HACE1: variants seen among roughly 807,000 people sequenced by gnomAD.
The protein encoded by HACE1 is E3 ubiquitin-protein ligase HACE1.
HACE1 carries 73 observed loss-of-function variants against 118.4 expected under a neutral mutation model. The observed-to-expected ratio is 0.62, with a 90% confidence interval of 0.51 to 0.75. HACE1 has a LOEUF of 0.75. Among genes scored for constraint, HACE1 ranks in the 30% least tolerant of loss-of-function variants. The probability of loss-of-function intolerance (pLI) is 0.00; values close to 1 mark genes in which losing one functional copy is unlikely to be tolerated. For missense variants in HACE1, 749 were observed against 1,102.2 expected, an observed-to-expected ratio of 0.68 and a Z score of 4.54; for synonymous variants, 368 against 374.8, an observed-to-expected ratio of 0.98 and a Z score of 0.21.
intron 19 of HACE1, among the ~76,000 whole-genome samples, chr6:104,763,386 T>C (rs1216629918): frequency 6.6e-6 from 1 of 152,170 alleles, no homozygotes; most frequent in Admixed American, 6.5e-5. Context: ...AATATCTGTA[T>C]ATACAAAATG....
intron 6 of HACE1, among the ~76,000 whole-genome samples, chr6:104,832,381 T>TTTG (rs3035082): frequency 2.0e-3 from 297 of 150,960 alleles, no homozygotes; most frequent in Non-Finnish European, 2.7e-3. Flanking sequence ...TTTCCTGTTT[T>TTTG]TTGTTGTTGT....
intron 6 of HACE1, chr6:104,824,943 C>T (rs1281222225): frequency 2.7e-5 from 4 of 150,806 alleles, no homozygotes; most frequent in Admixed American, 6.6e-5. Flanking sequence ...ATTAGCCGGG[C>T]GTGGTGGCGG....
intron 5 of HACE1, among the ~76,000 whole-genome samples, chr6:104,841,235 A>C (rs1164915719): frequency 6.6e-6 from 1 of 152,174 alleles, no homozygotes; most frequent in Admixed American, 6.5e-5. Context: ...TGATTCTTTA[A>C]ATACATACAT....
At chr6:104,768,761 A>T (rs956359158) in intron 19 of HACE1, among the ~76,000 whole-genome samples, 1 of 152,160 alleles carries the variant, frequency 6.6e-6, no homozygotes, top group African/African-American at 2.4e-5. Context: ...AAATATATAT[A>T]GTATTAAACT....
chr6:104,792,247 T>C (rs1468805164), intron 10 of HACE1, among the ~76,000 whole-genome samples: 1 of 152,098 alleles, frequency 6.6e-6, no homozygotes, highest in Non-Finnish European at 1.5e-5. Flanking sequence ...CTTATGACTA[T>C]ACACAAATAT....
At chr6:104,778,630 CA>C (rs549972238) in intron 14 of HACE1, among the ~76,000 whole-genome samples, 450 of 139,546 alleles carry the variant, frequency 3.2e-3, no homozygotes, top group Middle Eastern at 0.011. Context: ...CTGTCTCTAC[CA>C]AAAAAAAAAA....
At chr6:104,796,101 A>T (rs1769590581) in intron 9 of HACE1, among the ~76,000 whole-genome samples, 1 of 151,892 alleles carries the variant, frequency 6.6e-6, no homozygotes. Flanking sequence ...TTATTATTTT[A>T]TTTTTATTTT....
intron 19 of HACE1, among the ~76,000 whole-genome samples, chr6:104,769,416 A>G (rs1053369834): frequency 7.9e-5 from 12 of 152,196 alleles, no homozygotes; most frequent in African/African-American, 2.9e-4. Context: ...TTCTCTTATC[A>G]AAGGCAATCA....
chr6:104,739,262 C>T (rs554459579), intron 22 of HACE1, among the ~76,000 whole-genome samples: 166 of 152,134 alleles, frequency 1.1e-3, no homozygotes, highest in Admixed American at 3.5e-3. Flanking sequence ...TATCAACTAA[C>T]GAACAAAATA....
At chr6:104,849,805 T>C (rs1217367648) in intron 3 of HACE1, among the ~76,000 whole-genome samples, 2 of 146,800 alleles carry the variant, frequency 1.4e-5, no homozygotes, top group African/African-American at 2.5e-5. Flanking sequence ...CCTGCCACCA[T>C]GCCAGGCTAC....
At chr6:104,832,920 G>A in intron 6 of HACE1, 122 bp downstream of exon 6, 2 of 916,634 alleles carry the variant, frequency 2.2e-6, no homozygotes, top group South Asian at 1.4e-5. Flanking sequence ...TCCATATGAT[G>A]CAGAAAATAA....
chr6:104,841,939 A>G (rs1045040173), intron 5 of HACE1, among the ~76,000 whole-genome samples: 1 of 152,218 alleles, frequency 6.6e-6, no homozygotes, highest in Non-Finnish European at 1.5e-5. Flanking sequence ...TACCACCTCC[A>G]TGTGATTCAA....
chr6:104,798,426 C>T (rs1051150285), intron 7 of HACE1, among the ~76,000 whole-genome samples: 3 of 152,024 alleles, frequency 2.0e-5, no homozygotes, highest in Non-Finnish European at 2.9e-5. Context: ...TATCCTACTA[C>T]GAATCTAGTG....
intron 22 of HACE1, among the ~76,000 whole-genome samples, chr6:104,733,640 A>T (rs1171102271): frequency 6.7e-6 from 1 of 149,976 alleles, no homozygotes; most frequent in African/African-American, 2.5e-5. Flanking sequence ...ATCACTTGAG[A>T]TCAGTAGGGA....
intron 19 of HACE1, among the ~76,000 whole-genome samples, chr6:104,763,068 T>A (rs955335140): frequency 6.7e-6 from 1 of 150,010 alleles, no homozygotes; most frequent in Admixed American, 6.6e-5. Flanking sequence ...AAAATACTGG[T>A]CATTCAGGTT....
At chr6:104,739,388 C>G (rs1230479545) in intron 22 of HACE1, among the ~76,000 whole-genome samples, 5 of 152,098 alleles carry the variant, frequency 3.3e-5, no homozygotes, top group Non-Finnish European at 7.4e-5. Flanking sequence ...GATAAAGAGG[C>G]AAGACCCATC....
chr6:104,857,533 A>G (rs1776846771), intron 1 of HACE1, among the ~76,000 whole-genome samples: 1 of 152,110 alleles, frequency 6.6e-6, no homozygotes, highest in African/African-American at 2.4e-5. Flanking sequence ...ATTTAGAGGC[A>G]GACTATGTCT....
At chr6:104,820,227 A>C (rs2115014424) in intron 6 of HACE1, among the ~76,000 whole-genome samples, 1 of 151,936 alleles carries the variant, frequency 6.6e-6, no homozygotes, top group South Asian at 2.1e-4. Flanking sequence ...AAAACCCAAA[A>C]CCATAAAACC....
chr6:104,850,289 TC>T (rs1032992949), intron 3 of HACE1, among the ~76,000 whole-genome samples: 5 of 152,136 alleles, frequency 3.3e-5, no homozygotes, highest in Non-Finnish European at 7.4e-5. Flanking sequence ...TGATTTAACT[TC>T]TGACACAAAT....
Sources: gnomAD v4.1 joint callset for allele counts (sites outside exome capture counted in the v4.1 genomes callset) on GRCh38, gnomAD v4.1.1 for gene constraint, MANE v1.5 for transcripts, NCBI Gene and HGNC (gene_info 2026-07-23, HGNC 2026-07-21) for gene names.